Variants in SV2C observed in about 807,000 individuals in gnomAD.
SV2C encodes the protein synaptic vesicle glycoprotein 2C.
A neutral mutation model predicts 79.7 loss-of-function variants in SV2C; 49 were observed. The ratio of observed to expected loss-of-function variants is 0.61; its 90% confidence interval spans 0.49 to 0.78. SV2C has a LOEUF of 0.78. SV2C is among the 30% of genes least tolerant of loss of function. The pLI is 0.00. For synonymous variants in SV2C, 334 were observed against 333.2 expected (o/e 1.00, Z -0.03); for missense variants, 833 against 912.9 (o/e 0.91, Z 1.13).
At chr5:76,107,550 C>T (rs1200561487) in intron 1 of SV2C, among the ~76,000 whole-genome samples, 1 of 152,170 alleles carries the variant, frequency 6.6e-6, no homozygotes, top group African/African-American at 2.4e-5. Flanking sequence ...CATAAAGTAT[C>T]TTTGAAGACC....
chr5:76,040,499 A>G, the SV2C span, among the ~76,000 whole-genome samples: 1 of 152,240 alleles, frequency 6.6e-6, no homozygotes, highest in Non-Finnish European at 1.5e-5. Context: ...CCAAATTAGA[A>G]TATTCACTTG....
chr5:76,250,926 A>G (rs752254213), intron 4 of SV2C, among the ~76,000 whole-genome samples: 29 of 151,968 alleles, frequency 1.9e-4, no homozygotes, highest in Non-Finnish European at 2.2e-4. Context: ...GCTGTGTATT[A>G]TGAGAGCTCT....
intron 4 of SV2C, among the ~76,000 whole-genome samples, chr5:76,284,202 T>A (rs1294106655): frequency 1.3e-5 from 2 of 152,190 alleles, no homozygotes; most frequent in East Asian, 3.8e-4. Flanking sequence ...TTATGTTTAT[T>A]CAAATATTAG....
At chr5:76,037,659 C>G in the SV2C span, among the ~76,000 whole-genome samples, 1 of 152,198 alleles carries the variant, frequency 6.6e-6, no homozygotes, top group African/African-American at 2.4e-5. Context: ...AGCTGTCAGA[C>G]AGGGACATTT....
chr5:75,979,359 A>G, the SV2C span, among the ~76,000 whole-genome samples: 2 of 151,934 alleles, frequency 1.3e-5, no homozygotes, highest in East Asian at 1.9e-4. Context: ...CATGACCTGA[A>G]CTCAGCACTG....
chr5:76,111,505 G>T (rs188498672), intron 1 of SV2C, among the ~76,000 whole-genome samples: 198 of 152,232 alleles, frequency 1.3e-3, no homozygotes, highest in Non-Finnish European at 9.4e-4. Flanking sequence ...ATTTTCAGCA[G>T]TGCATTTCCA....
At chr5:76,073,376 C>T in the SV2C span, among the ~76,000 whole-genome samples, 1 of 151,348 alleles carries the variant, frequency 6.6e-6, no homozygotes, top group Non-Finnish European at 1.5e-5. Flanking sequence ...TATTTGTTTG[C>T]TTTGTCGAAG....
intron 4 of SV2C, among the ~76,000 whole-genome samples, chr5:76,252,392 G>A (rs1319799247): frequency 6.6e-6 from 1 of 152,168 alleles, no homozygotes; most frequent in Non-Finnish European, 1.5e-5. Flanking sequence ...AAAGTGCTGG[G>A]ATTACAGGCG....
intron 10 of SV2C, 48 bp from the exon 11 acceptor site, chr5:76,300,681 C>T (rs769295358): frequency 3.8e-6 from 6 of 1,571,998 alleles, no homozygotes; most frequent in African/African-American, 1.4e-5. Context: ...TATACTGGTG[C>T]ATGCCTGGTA....
At chr5:76,199,322 G>A (rs1033536300) in intron 3 of SV2C, among the ~76,000 whole-genome samples, 1 of 152,128 alleles carries the variant, frequency 6.6e-6, no homozygotes, top group Admixed American at 6.5e-5. Flanking sequence ...TGTTGGGAAT[G>A]TTTCTTTTGT....
intron 12 of SV2C, among the ~76,000 whole-genome samples, chr5:76,317,244 G>A (rs569082194): frequency 6.6e-6 from 1 of 152,240 alleles, no homozygotes; most frequent in South Asian, 2.1e-4. Context: ...AATTCATTGT[G>A]TATTTCAAAT....
chr5:76,104,283 G>C (rs1211208751), intron 1 of SV2C, among the ~76,000 whole-genome samples: 16 of 152,320 alleles, frequency 1.1e-4, no homozygotes, highest in Admixed American at 3.3e-4. Flanking sequence ...CCAACAAAAC[G>C]CACTACAACA....
intron 3 of SV2C, among the ~76,000 whole-genome samples, chr5:76,197,706 G>GATAGATAGA: frequency 3.2e-4 from 1 of 3,130 alleles, no homozygotes; most frequent in East Asian, 0.013. Context: ...AGATAGACAG[G>GATAGATAGA]CAGATAGATA....
chr5:76,104,744 C>T (rs1747853461), intron 1 of SV2C, among the ~76,000 whole-genome samples: 1 of 152,148 alleles, frequency 6.6e-6, no homozygotes, highest in East Asian at 1.9e-4. Context: ...GTAGGCTCTG[C>T]CAATAGGAGA....
the SV2C span, among the ~76,000 whole-genome samples, chr5:75,872,223 A>G: frequency 6.6e-6 from 1 of 151,184 alleles, no homozygotes; most frequent in Non-Finnish European, 1.5e-5. Flanking sequence ...CAATATGAGA[A>G]AAATTGCTAA....
chr5:76,274,911 C>T (rs2112479356), intron 4 of SV2C, among the ~76,000 whole-genome samples: 1 of 152,182 alleles, frequency 6.6e-6, no homozygotes, highest in African/African-American at 2.4e-5. Context: ...GGAACAAAAT[C>T]AGAAATTTAT....
At chr5:76,138,962 CAAA>C (rs902434364) in intron 2 of SV2C, among the ~76,000 whole-genome samples, 12 of 151,804 alleles carry the variant, frequency 7.9e-5, no homozygotes, top group Non-Finnish European at 1.3e-4. Flanking sequence ...ACTAAAAATC[CAAA>C]AAAATTAGTC....
At chr5:76,153,106 T>C (rs1160991912) in intron 2 of SV2C, among the ~76,000 whole-genome samples, 2 of 152,194 alleles carry the variant, frequency 1.3e-5, no homozygotes, top group Admixed American at 1.3e-4. Context: ...GGAACGTTGC[T>C]TCCTCCAAAC....
chr5:76,321,746 G>GAA (rs5868820), intron 12 of SV2C, among the ~76,000 whole-genome samples: 4 of 132,670 alleles, frequency 3.0e-5, no homozygotes, highest in Admixed American at 7.6e-5. Flanking sequence ...TATCATCTCT[G>GAA]AAAAAAAAAA....
Sources: allele counts gnomAD v4.1 joint callset (sites outside exome capture counted in the v4.1 genomes callset), GRCh38; gene constraint gnomAD v4.1.1; transcripts MANE v1.5; gene names NCBI Gene and HGNC (gene_info 2026-07-23, HGNC 2026-07-21).